DPYSL5: variants seen among roughly 807,000 people sequenced by gnomAD.
The protein encoded by DPYSL5 is dihydropyrimidinase-related protein 5.
A neutral mutation model predicts 58.4 loss-of-function variants in DPYSL5; 9 were observed. The observed-to-expected ratio is 0.15, with a 90% CI of 0.09 to 0.27. The LOEUF (loss-of-function observed/expected upper bound fraction) is 0.27. Among genes scored for constraint, DPYSL5 ranks in the 10% least tolerant of loss-of-function variants. The probability of loss-of-function intolerance (pLI) is 1.00; values close to 1 mark genes in which losing one functional copy is unlikely to be tolerated. For synonymous variants in DPYSL5, 293 were observed against 301.9 expected, an observed-to-expected ratio of 0.97 and a Z score of 0.31; for missense variants, 499 against 770.6, an observed-to-expected ratio of 0.65 and a Z score of 4.17.
chr2:26,932,160 AAAG>A (rs1665030096), intron 6 of DPYSL5, among the ~76,000 whole-genome samples: 2 of 61,040 alleles, frequency 3.3e-5, no homozygotes, highest in Non-Finnish European at 6.9e-5. Context: ...AGAAAGAAAG[AAAG>A]AAAGAAAGAA....
intron 1 of DPYSL5, among the ~76,000 whole-genome samples, chr2:26,854,282 A>T (rs1193500869): frequency 6.6e-6 from 1 of 152,074 alleles, no homozygotes; most frequent in Non-Finnish European, 1.5e-5. Context: ...AATATGGCGA[A>T]ACCCTGTCTC....
intron 1 of DPYSL5, among the ~76,000 whole-genome samples, chr2:26,892,820 TGTGGCCAGA>T: frequency 6.7e-6 from 1 of 149,488 alleles, no homozygotes; most frequent in Non-Finnish European, 1.5e-5. Flanking sequence ...CTGGGCTTCC[TGTGGCCAGA>T]GTGGCTCTAT....
chr2:26,942,460 C>T lies in DPYSL5; in HGVS notation c.1233-83C>T. ...GCCAATTCAACCCATAACAACCAGC[C>T]TTTGGGGCTCACCCCTCCCATGGAG... is the stretch of plus-strand genomic sequence containing the variant. On this transcript the variant is annotated intron_variant, in intron 10 of 12. Transcript: ENST00000288699. This position sits in a 1 kb window ranked among gnomAD's most constrained non-coding sequence, Gnocchi z 5.9. 1 of 1,473,876 alleles carries T rather than the reference C, an allele frequency of 6.8e-7. No homozygotes were observed. 91.3% of individuals were successfully genotyped at this position (1,473,876 alleles called of 1,614,324 possible).
At chr2:26,917,692 C>G (rs1366711086) in intron 2 of DPYSL5, among the ~76,000 whole-genome samples, 1 of 152,182 alleles carries the variant, frequency 6.6e-6, no homozygotes. Context: ...CAGTGTAAGG[C>G]CTGATCCCCC....
At chr2:26,886,248 T>TA (rs1342167472) in intron 1 of DPYSL5, among the ~76,000 whole-genome samples, 1 of 152,184 alleles carries the variant, frequency 6.6e-6, no homozygotes, top group Non-Finnish European at 1.5e-5. Context: ...GCTTGTCACC[T>TA]AATTGCTATT....
Position 26,924,867 on chromosome 2 carries a change from G to A in DPYSL5, c.262-20G>A. On this transcript the variant is annotated intron_variant, in intron 2 of 12. Transcript: ENST00000288699. The surrounding 1 kb of genome is among the most constrained non-coding windows in gnomAD (Gnocchi z 4.7). ...GGGCAGGCAGGGCTGTGACGAGACTGCCTTTTCCCGTCTTCCCAGGCAGCA... is the reference window on the plus strand; with the variant it reads ...GGGCAGGCAGGGCTGTGACGAGACTACCTTTTCCCGTCTTCCCAGGCAGCA... 6.2e-7 allele frequency: 1 copy of A among 1,610,908 alleles called. No homozygotes were observed. Among genetic ancestry groups the A allele is most frequent in the South Asian group, 1.1e-5 (1 of 90,512 alleles).
At chr2:26,887,160 T>C (rs1279845782) in intron 1 of DPYSL5, among the ~76,000 whole-genome samples, 1 of 152,238 alleles carries the variant, frequency 6.6e-6, no homozygotes, top group Non-Finnish European at 1.5e-5. Context: ...CAGTGACCAG[T>C]TATCTGTAAA....
rs954625401 is a variant in DPYSL5 at position 26,942,266 on chromosome 2, C to T, written c.1232+174C>T. On this transcript the variant is annotated intron_variant, in intron 10 of 12. Transcript: ENST00000288699. The surrounding 1 kb of genome is among the most constrained non-coding windows in gnomAD (Gnocchi z 5.9). ...TTCACACAGTCTTTCTTCCGTGTCA[C>T]ACATGTCTGGTGTGTCTGTCTCCTC... 6.6e-6 allele frequency among the ~76,000 whole-genome samples: 1 copy of T among 152,234 alleles called. No homozygotes were observed. The highest frequency in any genetic ancestry group is 2.4e-5 in the African/African-American group (1 of 41,450).
At chr2:26,900,226 T>A (rs1664121491) in intron 2 of DPYSL5, among the ~76,000 whole-genome samples, 1 of 152,212 alleles carries the variant, frequency 6.6e-6, no homozygotes, top group Admixed American at 6.5e-5. Context: ...ACCACTATCC[T>A]GACTTCTAAT....
chr2:26,929,914 T>C (rs1434969490), intron 5 of DPYSL5, among the ~76,000 whole-genome samples: 1 of 152,228 alleles, frequency 6.6e-6, no homozygotes. Context: ...TTCTCTACTG[T>C]TTTAGAAGAG....
chr2:26,858,451 G>A (rs1045209017), intron 1 of DPYSL5, among the ~76,000 whole-genome samples: 2 of 151,924 alleles, frequency 1.3e-5, no homozygotes, highest in African/African-American at 2.4e-5. Flanking sequence ...GATTACAGGC[G>A]TGAGCCACCG....
chr2:26,925,215 G>A lies in DPYSL5; in HGVS notation c.420+170G>A, dbSNP rs537559456. ...TGGGATTCCATAAGGGGAGCGGATG[G>A]GCTTGTGCTGCTTAACTTAATGAGC... On this transcript the variant is annotated intron_variant, in intron 3 of 12. Transcript: ENST00000288699. The surrounding 1 kb of genome is among the most constrained non-coding windows in gnomAD (Gnocchi z 4.5). 7.9e-4 allele frequency among the ~76,000 whole-genome samples: 120 copies of A among 152,180 alleles called. 1 individual carries two copies. The highest frequency in any genetic ancestry group is 1.4e-3 in the Non-Finnish European group (93 of 68,032).
At chr2:26,852,643 AG>A (rs1449780735) in intron 1 of DPYSL5, among the ~76,000 whole-genome samples, 1 of 152,134 alleles carries the variant, frequency 6.6e-6, no homozygotes, top group Non-Finnish European at 1.5e-5. Context: ...CGTGTACAGG[AG>A]GGAGAGCCAG....
At chr2:26,928,613 G>A (rs1158385450) in intron 5 of DPYSL5, among the ~76,000 whole-genome samples, 1 of 148,802 alleles carries the variant, frequency 6.7e-6, no homozygotes, top group Non-Finnish European at 1.5e-5. Flanking sequence ...GAGGCAGGAG[G>A]ATCACCTGAG....
At chr2:26,890,829 T>A (rs1663861249) in intron 1 of DPYSL5, among the ~76,000 whole-genome samples, 1 of 152,206 alleles carries the variant, frequency 6.6e-6, no homozygotes, top group Admixed American at 6.5e-5. Context: ...GCCTTCTCAC[T>A]GTGTCCTCAC....
rs968848237 is a variant in DPYSL5 at position 26,898,676 on chromosome 2, C to T, written c.177C>T (p.Ile59=). Residue 59 remains isoleucine, a synonymous_variant, in exon 2 of 13, where the codon ATC becomes ATT. Coordinates refer to ENST00000288699, the MANE Select transcript of DPYSL5 (RefSeq NM_020134.4). The surrounding 1 kb of genome is among the most constrained non-coding windows in gnomAD (Gnocchi z 6.1). ...TTGATGCCACAGGAAAACTGGTGATCCCTGGTGGCATCGACACCAGCACCC... is the reference window on the plus strand; with the variant it reads ...TTGATGCCACAGGAAAACTGGTGATTCCTGGTGGCATCGACACCAGCACCC... ...KVIDATGKLV[I]PGGIDTSTHF... 5 of 1,614,060 alleles carry T rather than the reference C, an allele frequency of 3.1e-6. No homozygotes were observed. Among genetic ancestry groups the T allele is most frequent in the Middle Eastern group, 3.3e-4 (2 of 6,084 alleles).
intron 1 of DPYSL5, among the ~76,000 whole-genome samples, chr2:26,895,474 A>G (rs555796692): frequency 6.6e-6 from 1 of 152,242 alleles, no homozygotes; most frequent in African/African-American, 2.4e-5. Context: ...ATAAAATTGT[A>G]TGTATTTGTT....
intron 2 of DPYSL5, among the ~76,000 whole-genome samples, chr2:26,908,575 G>A (rs1437784159): frequency 6.6e-6 from 1 of 152,142 alleles, no homozygotes; most frequent in African/African-American, 2.4e-5. Context: ...TGTATCTCTG[G>A]TATTGGGAAA....
chr2:26,864,132 C>T lies in DPYSL5; in HGVS notation c.-5+15878C>T, dbSNP rs538485608. ...TAGTGGTGCGCGCCTGTAGTCCCAG[C>T]TACTTGGGAAGCTAAGGTGGAAGGA... On this transcript the variant is annotated intron_variant, in intron 1 of 12. Transcript: ENST00000288699. 2.6e-5 allele frequency among the ~76,000 whole-genome samples: 4 copies of T among 152,288 alleles called. No individual in the cohort carries two copies. In the East Asian group the frequency reaches 7.7e-4, roughly 29 times the overall value.
Sources: allele counts gnomAD v4.1 joint callset (sites outside exome capture counted in the v4.1 genomes callset), GRCh38; gene constraint gnomAD v4.1.1; non-coding constraint Gnocchi (gnomAD v3.1); transcripts MANE v1.5; gene names NCBI Gene and HGNC (gene_info 2026-07-23, HGNC 2026-07-21).